The following TPD52 variants were observed in gnomAD, a reference collection of about 807,000 sequenced individuals.
The protein encoded by TPD52 is prostate and colon associated protein.
In TPD52, 17 loss-of-function variants were observed where a neutral mutation model predicts 31.3. That is an observed-to-expected ratio of 0.54 (90% CI 0.37 to 0.82). The LOEUF (loss-of-function observed/expected upper bound fraction) is 0.82. Ranked by LOEUF, TPD52 falls within the 40% of genes least tolerant of loss-of-function variation. The pLI is 0.00. For missense variants in TPD52, 212 were observed against 240.1 expected (o/e 0.88, Z 0.77); for synonymous variants, 83 against 89.6 (o/e 0.93, Z 0.42).
chr8:80,169,748 G>T (rs1046026312), intron 1 of TPD52, among the ~76,000 whole-genome samples: 28 of 152,282 alleles, frequency 1.8e-4, no homozygotes, highest in Admixed American at 7.8e-4. Flanking sequence ...CGCCCCCATT[G>T]AAAGCCAGAC....
chr8:80,046,695 T>C (rs918256882), intron 5 of TPD52, among the ~76,000 whole-genome samples: 1 of 151,944 alleles, frequency 6.6e-6, no homozygotes, highest in Non-Finnish European at 1.5e-5. Flanking sequence ...AATACATTAA[T>C]CTGTAATCAA....
intron 1 of TPD52, among the ~76,000 whole-genome samples, chr8:80,161,730 A>ATAT (rs1266351174): frequency 5.3e-5 from 3 of 56,214 alleles, no homozygotes; most frequent in African/African-American, 1.4e-4. Flanking sequence ...ATATATATAT[A>ATAT]TATTTTTTTT....
At chr8:80,114,774 C>T (rs960624135) in intron 1 of TPD52, among the ~76,000 whole-genome samples, 1 of 152,172 alleles carries the variant, frequency 6.6e-6, no homozygotes, top group South Asian at 2.1e-4. Flanking sequence ...TATCTATCAA[C>T]GTGATGCCTA....
chr8:80,054,001 C>T (rs1811620266), intron 2 of TPD52, among the ~76,000 whole-genome samples: 1 of 152,172 alleles, frequency 6.6e-6, no homozygotes, highest in African/African-American at 2.4e-5. Flanking sequence ...ATCAAACCGC[C>T]TCCTCAGGAG....
At chr8:80,153,139 G>C (rs1810699668) in intron 1 of TPD52, among the ~76,000 whole-genome samples, 1 of 152,162 alleles carries the variant, frequency 6.6e-6, no homozygotes, top group South Asian at 2.1e-4. Flanking sequence ...TGCTTTCACA[G>C]GTTTCTCCAC....
chr8:80,034,543 C>T (rs1809782974), downstream of TPD52, among the ~76,000 whole-genome samples: 1 of 152,196 alleles, frequency 6.6e-6, no homozygotes. Context: ...TAAAAATAGT[C>T]ATTTCACCCA....
intron 1 of TPD52, among the ~76,000 whole-genome samples, chr8:80,100,107 C>T (rs545528510): frequency 2.0e-5 from 3 of 152,288 alleles, no homozygotes; most frequent in East Asian, 1.9e-4. Context: ...AATTTAGATT[C>T]TTGATAAAGA....
At chr8:80,104,773 T>G (rs756710948) in intron 1 of TPD52, among the ~76,000 whole-genome samples, 41 of 151,862 alleles carry the variant, frequency 2.7e-4, no homozygotes, top group Non-Finnish European at 4.9e-4. Context: ...AATAGAACAT[T>G]TTTAGGCTGG....
intron 5 of TPD52, among the ~76,000 whole-genome samples, chr8:80,047,964 TTA>T (rs1366974070): frequency 2.0e-5 from 3 of 152,236 alleles, no homozygotes; most frequent in Non-Finnish European, 4.4e-5. Context: ...CACTAAAATT[TTA>T]TGTTTAACCC....
intron 1 of TPD52, among the ~76,000 whole-genome samples, chr8:80,094,814 A>G (rs894890604): frequency 1.3e-5 from 2 of 152,114 alleles, no homozygotes; most frequent in African/African-American, 2.4e-5. Context: ...TGGAACCATG[A>G]TTAAGAAGTA....
intron 1 of TPD52, among the ~76,000 whole-genome samples, chr8:80,090,934 A>G (rs1030386376): frequency 6.6e-6 from 1 of 152,220 alleles, no homozygotes; most frequent in African/African-American, 2.4e-5. Context: ...CCCTCTCAAA[A>G]TAACTAAAAT....
intron 1 of TPD52, among the ~76,000 whole-genome samples, chr8:80,148,485 T>G (rs1203401069): frequency 6.6e-6 from 1 of 152,096 alleles, no homozygotes; most frequent in Admixed American, 6.5e-5. Context: ...TAAGTGAGAT[T>G]TTGGTGGATT....
At chr8:80,045,613 C>T (rs987454142) in intron 5 of TPD52, among the ~76,000 whole-genome samples, 26 of 152,092 alleles carry the variant, frequency 1.7e-4, no homozygotes, top group Non-Finnish European at 4.4e-5. Flanking sequence ...TATAAGCACA[C>T]AGAGAGGTAG....
At chr8:80,170,114 T>C (rs1481930297) in intron 1 of TPD52, among the ~76,000 whole-genome samples, 3 of 152,198 alleles carry the variant, frequency 2.0e-5, no homozygotes, top group East Asian at 3.9e-4. Flanking sequence ...ATCTTACAAG[T>C]AAATGAAAGT....
rs146918401 is a variant in TPD52, at chr8:80,147,838, G to GCA, written c.19+23585_19+23586dup. On this transcript the variant is annotated intron_variant, in intron 1 of 7. Coordinates refer to ENST00000518937, the MANE Select transcript of TPD52 (RefSeq NM_001025253.3). The stretch of plus-strand genomic sequence containing the variant: ...CACACACATACATACACACACACAC[G>GCA]CACACACACACACACACCCCCCACA... 5.6e-3 allele frequency among the ~76,000 whole-genome samples: 832 copies of GCA among 148,144 alleles called. 6 individuals carry two copies. Among genetic ancestry groups the GCA allele is most frequent in the African/African-American group, 0.019 (749 of 40,448 alleles).
chr8:80,095,294 C>T (rs529107967), intron 1 of TPD52, among the ~76,000 whole-genome samples: 45 of 152,182 alleles, frequency 3.0e-4, no homozygotes, highest in Admixed American at 3.3e-4. Flanking sequence ...AAGATCTCAA[C>T]TATGTGACAT....
At chr8:80,043,513 A>C (rs1344426860) in intron 6 of TPD52, among the ~76,000 whole-genome samples, 1 of 152,160 alleles carries the variant, frequency 6.6e-6, no homozygotes, top group African/African-American at 2.4e-5. Context: ...TGGGCCCCAG[A>C]CCAGCTGCTG....
intron 1 of TPD52, among the ~76,000 whole-genome samples, chr8:80,121,256 G>A (rs1304386048): frequency 1.3e-5 from 2 of 151,794 alleles, no homozygotes; most frequent in East Asian, 1.9e-4. Context: ...TAACACTAAG[G>A]GTTATTTAAG....
chr8:80,062,357 C>T (rs1386584378), intron 2 of TPD52, among the ~76,000 whole-genome samples: 2 of 152,084 alleles, frequency 1.3e-5, no homozygotes, highest in East Asian at 3.8e-4. Context: ...GAAGTTAGAT[C>T]CCTACCAAAA....
Sources: gnomAD v4.1 joint callset for allele counts (sites outside exome capture counted in the v4.1 genomes callset) on GRCh38, gnomAD v4.1.1 for gene constraint, MANE v1.5 for transcripts, NCBI Gene and HGNC (gene_info 2026-07-23, HGNC 2026-07-21) for gene names.